The following TRAPPC9 variants were observed in gnomAD, a reference collection of about 807,000 sequenced individuals.
The protein encoded by TRAPPC9 is trafficking protein particle complex subunit 9.
TRAPPC9 carries 83 observed loss-of-function variants against 124.0 expected under a neutral mutation model. The observed-to-expected ratio is 0.67, with a 90% CI of 0.56 to 0.80. The LOEUF is 0.80. TRAPPC9 is among the 30% of genes least tolerant of loss of function. The probability of loss-of-function intolerance (pLI) is 0.00; values close to 1 mark genes in which losing one functional copy is unlikely to be tolerated. For synonymous variants in TRAPPC9, 638 were observed against 617.5 expected (o/e 1.03, Z -0.49); for missense variants, 1,302 against 1,508.3 (o/e 0.86, Z 2.27).
At chr8:139,950,315 T>A (rs1471813113) in intron 19 of TRAPPC9, among the ~76,000 whole-genome samples, 1 of 152,252 alleles carries the variant, frequency 6.6e-6, no homozygotes, top group Admixed American at 6.5e-5. Context: ...CTCAGGCTTT[T>A]TATCGCTTGC....
At chr8:140,054,875 C>G (rs1413213114) in intron 17 of TRAPPC9, among the ~76,000 whole-genome samples, 1 of 151,824 alleles carries the variant, frequency 6.6e-6, no homozygotes, top group African/African-American at 2.4e-5. Context: ...TCAACAGAAT[C>G]ACAACTAGTA....
At position 139,951,025 on chromosome 8, in the gene TRAPPC9, A is replaced by G. The variant is rs533512370; in HGVS notation, c.2810+37701T>C. ...CCTCACCTGCTCACGGCTTGGAGTCAGCCAGACCCAGGCGCGCACATCCCC... is the reference window on the plus strand; with the variant it reads ...CCTCACCTGCTCACGGCTTGGAGTCGGCCAGACCCAGGCGCGCACATCCCC... On this transcript the variant is annotated intron_variant, in intron 19 of 22. Transcript: ENST00000438773. Among the ~76,000 whole-genome samples the G allele has an allele frequency of 2.6e-5, 4 of 152,298 alleles. No individual in the cohort carries two copies. The East Asian group carries it at 7.7e-4, about 29-fold the overall frequency.
chr8:140,212,794 T>G (rs2063089787), intron 17 of TRAPPC9, among the ~76,000 whole-genome samples: 1 of 152,184 alleles, frequency 6.6e-6, no homozygotes, highest in Admixed American at 6.5e-5. Context: ...TAAGAAGTTT[T>G]TTTTGGCTGG....
chr8:140,260,773 T>C (rs576159087), intron 15 of TRAPPC9, among the ~76,000 whole-genome samples: 8 of 152,312 alleles, frequency 5.3e-5, no homozygotes, highest in African/African-American at 1.9e-4. Context: ...GCCCAACAGC[T>C]AATAAGTAAC....
chr8:140,403,834 T>C (rs1192653812), intron 6 of TRAPPC9, among the ~76,000 whole-genome samples: 1 of 151,966 alleles, frequency 6.6e-6, no homozygotes, highest in Non-Finnish European at 1.5e-5. Context: ...ATTTTTTGTA[T>C]TTTAGTAGAG....
At chr8:140,432,562 C>T (rs759788182) in intron 4 of TRAPPC9, among the ~76,000 whole-genome samples, 40 of 152,180 alleles carry the variant, frequency 2.6e-4, no homozygotes, top group Non-Finnish European at 5.0e-4. Flanking sequence ...TTAATCTATA[C>T]CAACCCTATA....
At chr8:140,208,588 GAC>G (rs907757705) in intron 17 of TRAPPC9, among the ~76,000 whole-genome samples, 13 of 152,236 alleles carry the variant, frequency 8.5e-5, no homozygotes, top group Non-Finnish European at 1.8e-4. Context: ...TCAACAGGAA[GAC>G]ACACTGGAAG....
chr8:140,133,555 C>A (rs1388769324), intron 17 of TRAPPC9, among the ~76,000 whole-genome samples: 1 of 152,136 alleles, frequency 6.6e-6, no homozygotes. Flanking sequence ...CAGAGTCTTC[C>A]TCAGAGCAAT....
rs193059796 is a variant in TRAPPC9 at position 140,220,216 on chromosome 8, C to G, written c.2556+1243G>C. 1.5e-3 allele frequency among the ~76,000 whole-genome samples: 229 copies of G among 152,306 alleles called. 1 individual carries two copies. The highest frequency in any genetic ancestry group is 2.7e-3 in the Non-Finnish European group (184 of 68,026). On this transcript the variant is annotated intron_variant, in intron 17 of 22. Transcript: ENST00000438773. The stretch of plus-strand genomic sequence containing the variant: ...GTGGGGCTCAGCCTCCAACTTGCTA[C>G]GATCCATTACCTAAAAGATCCAGCT...
intron 15 of TRAPPC9, chr8:140,262,535 C>A (rs2064459228): frequency 6.6e-6 from 1 of 151,008 alleles, no homozygotes; most frequent in African/African-American, 2.5e-5. Flanking sequence ...GGGGGGGCAG[C>A]AAGTTGAATG....
At position 139,910,301 on chromosome 8, in the gene TRAPPC9, C is replaced by T. The variant is rs1064795801; in HGVS notation, c.2811-1G>A. The stretch of plus-strand genomic sequence containing the variant: ...GAACTTGTCCACTTGAATAGCCATT[C>T]TACGAGAAAGGGGAAAACACAGCAG... On this transcript the variant is annotated splice_acceptor_variant, in intron 19 of 22. Transcript: ENST00000438773. LOFTEE classifies it high-confidence loss of function. 2 of 1,614,048 alleles carry T rather than the reference C, an allele frequency of 1.2e-6. No individual in the cohort carries two copies. The highest frequency in any genetic ancestry group is 1.7e-6 in the Non-Finnish European group (2 of 1,180,052).
intron 4 of TRAPPC9, among the ~76,000 whole-genome samples, chr8:140,428,747 A>T (rs1400617970): frequency 1.3e-5 from 2 of 152,198 alleles, no homozygotes; most frequent in Non-Finnish European, 2.9e-5. Context: ...TTGAAATACA[A>T]ATCAAGTTCA....
chr8:140,208,620 G>C (rs979345162), intron 17 of TRAPPC9, among the ~76,000 whole-genome samples: 2 of 152,212 alleles, frequency 1.3e-5, no homozygotes, highest in Admixed American at 1.3e-4. Flanking sequence ...ATTCTTTAGA[G>C]GTCATTTCAT....
At chr8:140,194,025 A>T (rs2062568871) in intron 17 of TRAPPC9, among the ~76,000 whole-genome samples, 1 of 152,182 alleles carries the variant, frequency 6.6e-6, no homozygotes, top group Admixed American at 6.5e-5. Flanking sequence ...GGAGCCACAA[A>T]TTCTAATCCC....
intron 21 of TRAPPC9, among the ~76,000 whole-genome samples, chr8:139,790,387 A>G (rs542741829): frequency 1.3e-5 from 2 of 152,316 alleles, no homozygotes; most frequent in East Asian, 3.9e-4. Flanking sequence ...TTTGTTCTTC[A>G]GCAAGAGGTG....
intron 15 of TRAPPC9, among the ~76,000 whole-genome samples, chr8:140,255,901 T>C (rs943204309): frequency 2.6e-5 from 4 of 152,174 alleles, no homozygotes; most frequent in Non-Finnish European, 4.4e-5. Flanking sequence ...CAGAAGAAGC[T>C]GTGGCTGTTG....
At chr8:140,018,324 A>ATTTTTTTTTTTTTTT (rs1554608008) in intron 18 of TRAPPC9, among the ~76,000 whole-genome samples, 5 of 119,778 alleles carry the variant, frequency 4.2e-5, no homozygotes, top group African/African-American at 1.3e-4. Flanking sequence ...AACGTAAGTG[A>ATTTTTTTTTTTTTTT]TTTTTTTTTT....
At chr8:140,307,397 C>T (rs11166969) in intron 10 of TRAPPC9, among the ~76,000 whole-genome samples, 98,739 of 152,042 alleles carry the variant, frequency 0.65, 32,491 homozygotes, top group African/African-American at 0.77. Context: ...CCTAAGTTAG[C>T]CTGGTTTCTA....
At chr8:139,863,094 C>T (rs948721704) in intron 21 of TRAPPC9, among the ~76,000 whole-genome samples, 3 of 152,258 alleles carry the variant, frequency 2.0e-5, no homozygotes, top group South Asian at 2.1e-4. Context: ...GCTCATTTGG[C>T]GTGTCTTCTC....
Sources: allele counts gnomAD v4.1 joint callset (sites outside exome capture counted in the v4.1 genomes callset), GRCh38; gene constraint gnomAD v4.1.1; transcripts MANE v1.5; gene names NCBI Gene and HGNC (gene_info 2026-07-23, HGNC 2026-07-21).